Variants in TSPAN9 observed in about 807,000 individuals in gnomAD.
The protein encoded by TSPAN9 is tetraspanin 9.
Under a neutral mutation model 31.0 loss-of-function variants are expected in TSPAN9, and 16 were observed. That is an observed-to-expected ratio of 0.52 (90% confidence interval 0.35 to 0.78). TSPAN9 has a LOEUF of 0.78. Among genes scored for constraint, TSPAN9 ranks in the 30% least tolerant of loss-of-function variants. TSPAN9 has a pLI of 0.01. For synonymous variants in TSPAN9, 145 were observed against 121.6 expected (o/e 1.19, Z -1.27); for missense variants, 272 against 312.5 (o/e 0.87, Z 0.98).
chr12:3,151,579 G>GC (rs1227953940), intron 2 of TSPAN9: 2 of 152,178 alleles, frequency 1.3e-5, no homozygotes, highest in Admixed American at 6.5e-5. Context: ...GGCTGCGCAT[G>GC]CCCCCTCAGT....
chr12:3,129,862 C>G (rs1413362145), intron 2 of TSPAN9, among the ~76,000 whole-genome samples: 1 of 152,144 alleles, frequency 6.6e-6, no homozygotes, highest in African/African-American at 2.4e-5. Context: ...CTCGGGGAAG[C>G]AGTGACGGGA....
chr12:3,255,599 A>G (rs1447812486), intron 3 of TSPAN9, among the ~76,000 whole-genome samples: 1 of 152,194 alleles, frequency 6.6e-6, no homozygotes, highest in African/African-American at 2.4e-5. Flanking sequence ...AATTCCATGG[A>G]AGCACCAATG....
chr12:3,169,359 T>A (rs1197503375), intron 2 of TSPAN9, among the ~76,000 whole-genome samples: 1 of 152,170 alleles, frequency 6.6e-6, no homozygotes, highest in African/African-American at 2.4e-5. Flanking sequence ...TGTGATCTGG[T>A]GGAAAGACCT....
chr12:3,104,959 G>A (rs891474272), intron 2 of TSPAN9, among the ~76,000 whole-genome samples: 2 of 152,336 alleles, frequency 1.3e-5, no homozygotes, highest in African/African-American at 4.8e-5. Flanking sequence ...CCCTGTTCCT[G>A]TTGTTTGGCT....
intron 2 of TSPAN9, among the ~76,000 whole-genome samples, chr12:3,096,022 GCTCCTCCAGCCGCTGC>G (rs903894224): frequency 1.6e-5 from 2 of 126,436 alleles, no homozygotes; most frequent in African/African-American, 6.1e-5. Flanking sequence ...GGGCCTGTCC[GCTCCTCCAGCCGCTGC>G]CTCCCGGGCG....
Position 3,226,771 on chromosome 12 carries a change from TATATATATATATATATATA to T in TSPAN9, c.63+25516_63+25534del, listed in dbSNP as rs1565622561. 9.5e-3 allele frequency among the ~76,000 whole-genome samples: 49 copies of T among 5,164 alleles called. 13 individuals carry two copies. The highest frequency in any genetic ancestry group is 0.019 in the Non-Finnish European group (41 of 2,200). The allele number at this position is 5,164 out of a possible 152,430, so 3.4% of individuals were successfully genotyped here. On this transcript the variant is annotated intron_variant, in intron 3 of 8. Transcript: ENST00000011898. ...ATATATATATATATATATATATATA[TATATATATATATATATATA>T]TATATTTTTTTTTTTTTTTCCCTCT...
chr12:3,268,695 G>A (rs1591716023), intron 3 of TSPAN9, among the ~76,000 whole-genome samples: 1 of 110,022 alleles, frequency 9.1e-6, no homozygotes. Flanking sequence ...TGTTCCTGCA[G>A]CCTGCCCTCC....
intron 2 of TSPAN9, among the ~76,000 whole-genome samples, chr12:3,177,867 T>C (rs2098356655): frequency 6.6e-6 from 1 of 152,230 alleles, no homozygotes; most frequent in African/African-American, 2.4e-5. Context: ...CAGAGCCCTC[T>C]TACTCAAGAA....
intron 3 of TSPAN9, among the ~76,000 whole-genome samples, chr12:3,233,616 G>A (rs2098391904): frequency 6.6e-6 from 1 of 152,180 alleles, no homozygotes; most frequent in South Asian, 2.1e-4. Context: ...GTTTGTACTT[G>A]TAGTTCATTC....
At chr12:3,177,720 AC>A (rs2098356576) in intron 2 of TSPAN9, among the ~76,000 whole-genome samples, 1 of 152,244 alleles carries the variant, frequency 6.6e-6, no homozygotes, top group African/African-American at 2.4e-5. Context: ...GGTGTGAGCA[AC>A]CGCACCCAGC....
intron 2 of TSPAN9, among the ~76,000 whole-genome samples, chr12:3,126,582 TAA>T (rs2098327474): frequency 1.3e-5 from 2 of 152,194 alleles, no homozygotes; most frequent in Admixed American, 1.3e-4. Flanking sequence ...TGCACTGCTA[TAA>T]AGAAATACCT....
intron 3 of TSPAN9, among the ~76,000 whole-genome samples, chr12:3,267,989 G>A (rs890704421): frequency 3.3e-5 from 5 of 152,202 alleles, no homozygotes; most frequent in African/African-American, 1.2e-4. Flanking sequence ...TTGGGGAAAA[G>A]GCATGTCGAA....
At chr12:3,112,810 G>A (rs765754213) in intron 2 of TSPAN9, among the ~76,000 whole-genome samples, 7 of 149,150 alleles carry the variant, frequency 4.7e-5, no homozygotes, top group Non-Finnish European at 7.4e-5. Context: ...AGACTCCCCC[G>A]TAGCTGGGGC....
intron 3 of TSPAN9, among the ~76,000 whole-genome samples, chr12:3,255,445 C>T (rs1201589297): frequency 2.8e-4 from 42 of 151,432 alleles, no homozygotes; most frequent in Admixed American, 2.7e-3. Flanking sequence ...CGAGCCCAAC[C>T]CAGCTCTATT....
At chr12:3,191,966 C>T (rs1355985851) in intron 2 of TSPAN9, among the ~76,000 whole-genome samples, 1 of 152,112 alleles carries the variant, frequency 6.6e-6, no homozygotes, top group African/African-American at 2.4e-5. Flanking sequence ...TTCAATAATT[C>T]ACAAGAGCTC....
At chr12:3,132,570 G>A (rs1055236404) in intron 2 of TSPAN9, among the ~76,000 whole-genome samples, 3 of 151,934 alleles carry the variant, frequency 2.0e-5, no homozygotes, top group Non-Finnish European at 4.4e-5. Context: ...CTCCTGACCC[G>A]GTTTGAGTCT....
In TSPAN9 at chr12:3,226,688, G is replaced by A. The variant is rs866529445; in HGVS notation, c.63+25432G>A. Among the ~76,000 whole-genome samples the A allele has an allele frequency of 1.1e-3, 27 of 24,958 alleles. 1 individual carries two copies. The highest frequency in any genetic ancestry group is 5.0e-3 in the South Asian group (3 of 600). 16.4% of individuals were successfully genotyped at this position (24,958 alleles called of 152,430 possible). A position where few individuals can be genotyped will look rare whatever the true frequency, so the allele number is the denominator to read the frequency against. On this transcript the variant is annotated intron_variant, in intron 3 of 8. Coordinates refer to ENST00000011898, the MANE Select transcript of TSPAN9 (RefSeq NM_006675.5). The stretch of plus-strand genomic sequence containing the variant: ...TGTGTGTGTGTGTGTGTGTGTGTGT[G>A]TGTGTGTGTGTGTGTGTGTATGTGT...
intron 7 of TSPAN9, 46 bp downstream of exon 7, chr12:3,281,375 A>G (rs572346202): frequency 1.5e-5 from 23 of 1,521,608 alleles, no homozygotes; most frequent in African/African-American, 2.8e-5. Context: ...CCGTGTGTGG[A>G]TGCCCCGGCA....
At chr12:3,217,197 G>A (rs903286372) in intron 3 of TSPAN9, among the ~76,000 whole-genome samples, 2 of 152,222 alleles carry the variant, frequency 1.3e-5, no homozygotes, top group African/African-American at 4.8e-5. Context: ...GAGGAGCTGA[G>A]CCTTCCACCT....
Sources: allele counts gnomAD v4.1 joint callset (sites outside exome capture counted in the v4.1 genomes callset), GRCh38; gene constraint gnomAD v4.1.1; transcripts MANE v1.5; gene names NCBI Gene and HGNC (gene_info 2026-07-23, HGNC 2026-07-21).